The following TFDP2 variants were observed in gnomAD, a reference collection of about 807,000 sequenced individuals.
The protein encoded by TFDP2 is transcription factor Dp-2 (E2F dimerization partner 2).
TFDP2 carries 17 observed loss-of-function variants against 59.3 expected under a neutral mutation model. That is an observed-to-expected ratio of 0.29 (90% CI 0.20 to 0.43). The LOEUF (loss-of-function observed/expected upper bound fraction) is 0.43, where lower values mean the gene tolerates loss of function less well. Among genes scored for constraint, TFDP2 ranks in the 20% least tolerant of loss-of-function variants. The pLI is 1.00. For missense variants in TFDP2, 391 were observed against 528.8 expected, an observed-to-expected ratio of 0.74 and a Z score of 2.56; for synonymous variants, 180 against 194.7, an observed-to-expected ratio of 0.92 and a Z score of 0.63.
At chr3:142,094,013 T>C (rs1234909278) in intron 2 of TFDP2, 1 of 492,574 alleles carries the variant, frequency 2.0e-6, no homozygotes, top group Non-Finnish European at 4.0e-6. Context: ...AATTCACTTT[T>C]AGATAATTTA....
chr3:141,999,747 T>G (rs1280061963), intron 4 of TFDP2, among the ~76,000 whole-genome samples: 1 of 151,898 alleles, frequency 6.6e-6, no homozygotes, highest in African/African-American at 2.4e-5. Flanking sequence ...CTTTTTTTTT[T>G]TTTTTTGAGA....
Position 142,111,685 on chromosome 3 carries a change from C to T in TFDP2, c.-92-9844G>A, listed in dbSNP as rs143049499. On this transcript the variant is annotated intron_variant, in intron 1 of 12. Coordinates refer to ENST00000489671, the MANE Select transcript of TFDP2 (RefSeq NM_001178139.2). Reference sequence around the variant, plus strand: ...GGGTCTAAGGAAGGTCCTAATAATACGTGCCGAAAAACAAAGGGCAAGGCA... The same window carrying T: ...GGGTCTAAGGAAGGTCCTAATAATATGTGCCGAAAAACAAAGGGCAAGGCA... Among the ~76,000 whole-genome samples the T allele has an allele frequency of 9.3e-4, 141 of 152,172 alleles. 1 individual carries two copies. Among genetic ancestry groups the T allele is most frequent in the African/African-American group, 3.2e-3 (132 of 41,522 alleles).
intron 3 of TFDP2, among the ~76,000 whole-genome samples, chr3:142,019,339 C>T (rs1324847065): frequency 6.6e-6 from 1 of 152,198 alleles, no homozygotes; most frequent in Non-Finnish European, 1.5e-5. Context: ...GCTGGGATTA[C>T]AGGCGTGAGC....
At chr3:142,081,384 G>GA (rs890240390) in intron 3 of TFDP2, among the ~76,000 whole-genome samples, 10 of 152,138 alleles carry the variant, frequency 6.6e-5, no homozygotes, top group African/African-American at 2.2e-4. Flanking sequence ...TCAAAAAAGT[G>GA]AAAAAACTTC....
At position 141,967,422 on chromosome 3, in the gene TFDP2, A is replaced by G. The variant is rs558564061; in HGVS notation, c.732+2651T>C. Among the ~76,000 whole-genome samples the G allele has an allele frequency of 5.3e-5, 8 of 149,984 alleles. No individual in the cohort carries two copies. The Middle Eastern group carries it at 0.018, about 332-fold the overall frequency. Reference sequence around the variant, plus strand: ...ATTATCCTGCCTTAGCCTCCCAAGTAGCTGAGATTACAGGCATGCGCCACC... The same window carrying G: ...ATTATCCTGCCTTAGCCTCCCAAGTGGCTGAGATTACAGGCATGCGCCACC... On this transcript the variant is annotated intron_variant, in intron 9 of 12. Coordinates refer to ENST00000489671, the MANE Select transcript of TFDP2 (RefSeq NM_001178139.2).
intron 3 of TFDP2, among the ~76,000 whole-genome samples, chr3:142,027,829 T>C (rs1362485900): frequency 6.6e-6 from 1 of 152,152 alleles, no homozygotes; most frequent in Admixed American, 6.5e-5. Flanking sequence ...TCTTGTATGC[T>C]ATATTTTCTT....
chr3:141,970,269 A>G, intron 8 of TFDP2, 128 bp from the exon 9 acceptor site: 1 of 793,440 alleles, frequency 1.3e-6, no homozygotes, highest in South Asian at 1.6e-5. Flanking sequence ...CAATATGAAT[A>G]AAGACAAATC....
intron 3 of TFDP2, among the ~76,000 whole-genome samples, chr3:142,026,035 G>C (rs905092425): frequency 6.6e-6 from 1 of 152,148 alleles, no homozygotes; most frequent in Non-Finnish European, 1.5e-5. Flanking sequence ...TCTTCTGGCC[G>C]GCGCAGTGGC....
chr3:142,027,412 A>C (rs1255227553), intron 3 of TFDP2, among the ~76,000 whole-genome samples: 1 of 152,128 alleles, frequency 6.6e-6, no homozygotes, highest in East Asian at 1.9e-4. Context: ...TAACAGAAGA[A>C]ACATCTGTTG....
At chr3:141,955,466 C>T (rs1936491642) in intron 11 of TFDP2, among the ~76,000 whole-genome samples, 1 of 152,130 alleles carries the variant, frequency 6.6e-6, no homozygotes, top group African/African-American at 2.4e-5. Context: ...AATGACACAG[C>T]AGGACCCAGG....
chr3:142,050,778 G>A (rs1393066487), intron 3 of TFDP2, among the ~76,000 whole-genome samples: 2 of 152,032 alleles, frequency 1.3e-5, no homozygotes, highest in African/African-American at 2.4e-5. Flanking sequence ...AATCTGAGAG[G>A]CAGAGGTTGC....
At chr3:142,076,517 GA>G (rs551677542) in intron 3 of TFDP2, among the ~76,000 whole-genome samples, 3 of 151,410 alleles carry the variant, frequency 2.0e-5, no homozygotes, top group East Asian at 1.9e-4. Flanking sequence ...AAGGCAAGAT[GA>G]AAAAAAATGA....
intron 1 of TFDP2, among the ~76,000 whole-genome samples, chr3:142,145,072 C>A (rs963738069): frequency 3.9e-5 from 6 of 152,180 alleles, no homozygotes; most frequent in African/African-American, 1.4e-4. Context: ...AAGAAAAATT[C>A]TCTTCCGATG....
At chr3:142,133,626 T>TGAAACCTC (rs2062597927) in intron 1 of TFDP2, among the ~76,000 whole-genome samples, 1 of 140,666 alleles carries the variant, frequency 7.1e-6, no homozygotes, top group African/African-American at 3.2e-5. Flanking sequence ...GCCTCCTAGG[T>TGAAACCTC]ATCTGGGCTA....
chr3:142,026,667 CATT>C (rs1946122109), intron 3 of TFDP2, among the ~76,000 whole-genome samples: 2 of 152,290 alleles, frequency 1.3e-5, no homozygotes, highest in Non-Finnish European at 2.9e-5. Context: ...TATACACGCA[CATT>C]ATACAACAGC....
chr3:142,000,862 C>G (rs1047227722), intron 4 of TFDP2, among the ~76,000 whole-genome samples: 1 of 152,200 alleles, frequency 6.6e-6, no homozygotes, highest in Admixed American at 6.5e-5. Context: ...GAATAATCTT[C>G]GACTTGATAT....
chr3:142,111,464 G>A (rs1212584019), intron 1 of TFDP2, among the ~76,000 whole-genome samples: 1 of 146,648 alleles, frequency 6.8e-6, no homozygotes, highest in Non-Finnish European at 1.5e-5. Flanking sequence ...ATATAAACAT[G>A]TAAAATAGAG....
At chr3:141,968,540 CATAT>C (rs543112106) in intron 9 of TFDP2, among the ~76,000 whole-genome samples, 1 of 87,154 alleles carries the variant, frequency 1.1e-5, no homozygotes, top group South Asian at 3.2e-4. Flanking sequence ...ATATATATAA[CATAT>C]ATATATCTCA....
At chr3:141,958,570 G>A (rs1936975022) in intron 11 of TFDP2, among the ~76,000 whole-genome samples, 1 of 152,162 alleles carries the variant, frequency 6.6e-6, no homozygotes, top group Non-Finnish European at 1.5e-5. Flanking sequence ...TGGGGCAGGG[G>A]CATGCAGTGG....
Sources: gnomAD v4.1 joint callset for allele counts (sites outside exome capture counted in the v4.1 genomes callset) on GRCh38, gnomAD v4.1.1 for gene constraint, MANE v1.5 for transcripts, NCBI Gene and HGNC (gene_info 2026-07-23, HGNC 2026-07-21) for gene names.